The following CRHR1 variants were observed in gnomAD, a reference collection of about 807,000 sequenced individuals.
CRHR1 encodes the protein corticotropin-releasing hormone receptor 1.
In CRHR1, 28 loss-of-function variants were observed where a neutral mutation model predicts 56.0. That is an observed-to-expected ratio of 0.50 (90% confidence interval 0.37 to 0.69). The LOEUF is 0.69. Ranked by LOEUF, CRHR1 falls within the 30% of genes least tolerant of loss-of-function variation. CRHR1 has a pLI of 0.00. For synonymous variants in CRHR1, 195 were observed against 216.5 expected, an observed-to-expected ratio of 0.90 and a Z score of 0.87; for missense variants, 376 against 548.0, an observed-to-expected ratio of 0.69 and a Z score of 3.13.
chr17:45,815,478 CT>C (rs2061908958), intron 2 of CRHR1, among the ~76,000 whole-genome samples: 1 of 152,230 alleles, frequency 6.6e-6, no homozygotes, highest in African/African-American at 2.4e-5. Context: ...TTGACATCTT[CT>C]TTCTAGTTCA....
At chr17:45,832,830 G>A (rs369698743) in intron 8 of CRHR1, among the ~76,000 whole-genome samples, 62 of 152,372 alleles carry the variant, frequency 4.1e-4, no homozygotes, top group Non-Finnish European at 5.7e-4. Flanking sequence ...AGGAGGAGCC[G>A]AGGATGCAGC....
At chr17:45,832,136 G>A (rs1051798957) in intron 8 of CRHR1, among the ~76,000 whole-genome samples, 2 of 152,186 alleles carry the variant, frequency 1.3e-5, no homozygotes, top group Non-Finnish European at 2.9e-5. Context: ...GAAGGCTGAG[G>A]CAGGAGAATC....
intron 1 of CRHR1, among the ~76,000 whole-genome samples, chr17:45,795,890 C>A (rs576453960): frequency 6.6e-6 from 1 of 152,154 alleles, no homozygotes; most frequent in African/African-American, 2.4e-5. Flanking sequence ...ATTCCCTGTT[C>A]GGTGGGGTTT....
At chr17:45,788,376 G>T (rs1324678467) in intron 1 of CRHR1, among the ~76,000 whole-genome samples, 1 of 152,186 alleles carries the variant, frequency 6.6e-6, no homozygotes, top group Non-Finnish European at 1.5e-5. Flanking sequence ...TCATGTCTCT[G>T]TGAAAGGTCT....
intron 8 of CRHR1, 57 bp downstream of exon 8, chr17:45,830,997 G>A (rs1420009749): frequency 1.3e-6 from 2 of 1,550,830 alleles, no homozygotes; most frequent in South Asian, 1.1e-5. Context: ...GCCCAGCTTG[G>A]TGACACTCCC....
chr17:45,785,356 G>A (rs2061317129), intron 1 of CRHR1, among the ~76,000 whole-genome samples: 1 of 152,370 alleles, frequency 6.6e-6, no homozygotes, highest in Admixed American at 6.5e-5. Context: ...GGAAGGGCCG[G>A]GAGGCCGGCA....
intron 3 of CRHR1, among the ~76,000 whole-genome samples, chr17:45,818,139 A>T (rs1418500515): frequency 2.6e-5 from 4 of 152,098 alleles, no homozygotes; most frequent in Admixed American, 2.6e-4. Context: ...GTCTGGGCCT[A>T]CCTGCCCCCA....
At chr17:45,804,327 G>A (rs2061681007) in intron 1 of CRHR1, among the ~76,000 whole-genome samples, 2 of 152,142 alleles carry the variant, frequency 1.3e-5, no homozygotes, top group Admixed American at 1.3e-4. Flanking sequence ...GAGAGTATCA[G>A]CAAGGGAATG....
At chr17:45,804,095 G>A (rs568596714) in intron 1 of CRHR1, among the ~76,000 whole-genome samples, 1 of 152,294 alleles carries the variant, frequency 6.6e-6, no homozygotes, top group Admixed American at 6.5e-5. Context: ...CCATCTCTCT[G>A]GAGACTGTGA....
intron 1 of CRHR1, among the ~76,000 whole-genome samples, chr17:45,796,797 G>A (rs1224252643): frequency 2.6e-5 from 4 of 152,098 alleles, no homozygotes; most frequent in African/African-American, 9.7e-5. Flanking sequence ...AGAAGGGAGG[G>A]AGGAAAATGG....
In CRHR1 at chr17:45,833,148, G is replaced by C; in HGVS notation, c.781G>C (p.Gly261Arg). The C allele has an allele frequency of 6.2e-7, 1 of 1,614,084 alleles. No homozygotes were observed. The change falls in exon 9 of 13, where the codon GGC becomes CGC. Residue 261 changes from glycine to arginine, a missense_variant. Gly to Arg is a moderately radical substitution (Grantham distance 125). This residue lies in a region of CRHR1 where 369 missense variants were observed against 519.5 expected (regional missense o/e 0.71). Transcript: ENST00000314537. ...LYYDNEKCWF[G>R]KRPGVYTDYI... Reference sequence around the variant, plus strand: ...TCTGTGGCCTTCTAGGTGCTGGTTTGGCAAAAGGCCTGGGGTGTACACCGA... The same window carrying C: ...TCTGTGGCCTTCTAGGTGCTGGTTTCGCAAAAGGCCTGGGGTGTACACCGA...
At position 45,784,587 on chromosome 17, in the gene CRHR1, C is replaced by T. The variant is rs1444329195; in HGVS notation, c.33+10C>T. ...GCTCCGTCTCGTCAAGGTAACAGCC[C>T]GCCGGCCATCCCTCGAGCGCTGGCG... On this transcript the variant is annotated intron_variant, in intron 1 of 12. Coordinates refer to ENST00000314537, the MANE Select transcript of CRHR1 (RefSeq NM_004382.5). The surrounding 1 kb of genome is among the most constrained non-coding windows in gnomAD (Gnocchi z 4.2). The T allele has an allele frequency of 1.4e-5, 22 of 1,547,536 alleles. No individual in the cohort carries two copies. The highest frequency in any genetic ancestry group is 1.7e-5 in the Non-Finnish European group (20 of 1,146,630).
chr17:45,833,693 T>TGGGGGGGGGGGGGCCCCCCCC, intron 10 of CRHR1, 21 bp from the exon 11 acceptor site: 1 of 1,571,616 alleles, frequency 6.4e-7, no homozygotes, highest in Non-Finnish European at 8.7e-7. Flanking sequence ...ACTCCGAGCC[T>TGGGGGGGGGGGGGCCCCCCCC]CCCCACCCGC....
intron 1 of CRHR1, among the ~76,000 whole-genome samples, chr17:45,802,932 G>A (rs4448990): frequency 2.6e-5 from 4 of 152,190 alleles, no homozygotes; most frequent in Non-Finnish European, 4.4e-5. Context: ...GCTTTGTGCC[G>A]AGGTGGTTTT....
chr17:45,811,382 A>G (rs931522545), intron 2 of CRHR1, among the ~76,000 whole-genome samples: 1 of 152,156 alleles, frequency 6.6e-6, no homozygotes, highest in African/African-American at 2.4e-5. Flanking sequence ...CAGGGATTTG[A>G]GGCAGTCTGA....
chr17:45,817,431 AG>A, intron 3 of CRHR1, among the ~76,000 whole-genome samples: 1 of 152,120 alleles, frequency 6.6e-6, no homozygotes, highest in African/African-American at 2.4e-5. Flanking sequence ...CACAGGGGTG[AG>A]CCCAGACACC....
intron 1 of CRHR1, among the ~76,000 whole-genome samples, chr17:45,785,177 C>T (rs894963838): frequency 2.6e-4 from 39 of 152,364 alleles, no homozygotes; most frequent in African/African-American, 8.9e-4. Flanking sequence ...CGGCTGGGAG[C>T]GCGACGCTCG....
At chr17:45,816,414 G>T (rs773810100) in intron 2 of CRHR1, 49 bp from the exon 3 acceptor site, 2 of 1,609,524 alleles carry the variant, frequency 1.2e-6, no homozygotes, top group Non-Finnish European at 8.5e-7. Context: ...CCTGCCTGGG[G>T]CCTTGGCCGG....
chr17:45,814,855 C>T (rs1441458853), intron 2 of CRHR1, among the ~76,000 whole-genome samples: 1 of 152,276 alleles, frequency 6.6e-6, no homozygotes, highest in East Asian at 1.9e-4. Context: ...TCCATTAAGC[C>T]CCAATCCAGA....
Sources: gnomAD v4.1 joint callset for allele counts (sites outside exome capture counted in the v4.1 genomes callset) on GRCh38, gnomAD v4.1.1 for gene constraint, gnomAD v4.1.1 regional missense constraint, Gnocchi (gnomAD v3.1) non-coding constraint, MANE v1.5 for transcripts, NCBI Gene and HGNC (gene_info 2026-07-23, HGNC 2026-07-21) for gene names.